The following NCALD variants were observed in gnomAD, a reference collection of about 807,000 sequenced individuals.
NCALD encodes neurocalcin delta.
A neutral mutation model predicts 18.6 loss-of-function variants in NCALD; 10 were observed. The observed-to-expected ratio is 0.54, with a 90% CI of 0.33 to 0.91. The LOEUF (loss-of-function observed/expected upper bound fraction) is 0.91. Among genes scored for constraint, NCALD ranks in the 40% least tolerant of loss-of-function variants. The pLI is 0.03. For synonymous variants in NCALD, 88 were observed against 87.4 expected (o/e 1.01, Z -0.04); for missense variants, 184 against 247.6 (o/e 0.74, Z 1.72).
At chr8:101,717,589 C>A (rs181529415) in intron 2 of NCALD, among the ~76,000 whole-genome samples, 1 of 152,272 alleles carries the variant, frequency 6.6e-6, no homozygotes, top group East Asian at 1.9e-4. Flanking sequence ...CAACTCATCA[C>A]TTTCTAAGAG....
At chr8:101,763,947 C>T (rs1379908789) in intron 1 of NCALD, among the ~76,000 whole-genome samples, 1 of 134,304 alleles carries the variant, frequency 7.4e-6, no homozygotes, top group African/African-American at 3.2e-5. Flanking sequence ...TTCTTTATGA[C>T]AAATTTCTCT....
intron 1 of NCALD, among the ~76,000 whole-genome samples, chr8:101,720,356 A>C (rs1044832659): frequency 2.6e-5 from 4 of 152,234 alleles, no homozygotes; most frequent in Non-Finnish European, 5.9e-5. Flanking sequence ...TCTTTAAAAT[A>C]CAAATAACTT....
chr8:101,709,386 C>A (rs1406195369), intron 2 of NCALD, among the ~76,000 whole-genome samples: 1 of 152,172 alleles, frequency 6.6e-6, no homozygotes, highest in African/African-American at 2.4e-5. Flanking sequence ...GCTTCAGGTA[C>A]AGATGGTCTA....
intron 1 of NCALD, among the ~76,000 whole-genome samples, chr8:101,780,158 A>G (rs950547372): frequency 3.9e-5 from 6 of 152,192 alleles, no homozygotes; most frequent in African/African-American, 1.4e-4. Context: ...TTTAAAATGA[A>G]TATGAATAGA....
chr8:101,790,250 C>T (rs1038420102), intron 1 of NCALD, among the ~76,000 whole-genome samples: 1 of 152,186 alleles, frequency 6.6e-6, no homozygotes, highest in African/African-American at 2.4e-5. Context: ...GGTTCCACCC[C>T]AACTTCCTTG....
At chr8:101,692,046 G>A in intron 3 of NCALD, 1 of 975,444 alleles carries the variant, frequency 1.0e-6, no homozygotes, top group African/African-American at 1.8e-5. Flanking sequence ...AACAGCAAGT[G>A]ACTTTTTTAG....
At chr8:101,766,492 C>G (rs1811352945) in intron 1 of NCALD, among the ~76,000 whole-genome samples, 1 of 152,138 alleles carries the variant, frequency 6.6e-6, no homozygotes, top group Admixed American at 6.5e-5. Flanking sequence ...ACCTGAGCTT[C>G]TAAGTTGTGT....
At chr8:102,032,611 A>T (rs1269706) in intron 1 of NCALD, among the ~76,000 whole-genome samples, 123,558 of 139,318 alleles carry the variant, frequency 0.89, 54,964 homozygotes, top group South Asian at 0.95. Flanking sequence ...AGAACAGAAT[A>T]GAAAAACTGC....
rs189372181 is a variant in NCALD, at chr8:102,078,686, G to T, written c.-210+45551C>A. Among the ~76,000 whole-genome samples the T allele has an allele frequency of 5.9e-5, 9 of 152,258 alleles. No individual in the cohort carries two copies. In the East Asian group the frequency reaches 1.3e-3, roughly 23 times the overall value. On this transcript the variant is annotated intron_variant, in intron 1 of 6. Transcript: ENST00000311028. ...CTGGAATTGTCTTCCCCAGATCTTC[G>T]CATTGCAGGCTCTGCCCATGATTCA...
At chr8:101,986,971 C>T (rs1293360670) in intron 2 of NCALD, among the ~76,000 whole-genome samples, 1 of 152,152 alleles carries the variant, frequency 6.6e-6, no homozygotes, top group African/African-American at 2.4e-5. Flanking sequence ...TGGGGGTCCC[C>T]GGAATCACAC....
intron 3 of NCALD, among the ~76,000 whole-genome samples, chr8:101,896,028 T>C (rs1358801998): frequency 1.3e-5 from 2 of 151,058 alleles, no homozygotes; most frequent in African/African-American, 2.5e-5. Context: ...AAAGTTCATA[T>C]GGAACCAAAA....
At chr8:101,692,278 C>T (rs13281022) in intron 3 of NCALD, 600,880 of 985,130 alleles carry the variant, frequency 0.61, 189,004 homozygotes, top group Non-Finnish European at 0.65. Flanking sequence ...ACCACTACCC[C>T]GGGCACCCCA....
At chr8:101,981,350 A>T (rs1820613164) in intron 2 of NCALD, among the ~76,000 whole-genome samples, 1 of 152,192 alleles carries the variant, frequency 6.6e-6, no homozygotes, top group Non-Finnish European at 1.5e-5. Flanking sequence ...TTTTAGTTTT[A>T]TTGAGTTAAA....
At chr8:101,988,641 G>A (rs1820919686) in intron 2 of NCALD, among the ~76,000 whole-genome samples, 1 of 152,010 alleles carries the variant, frequency 6.6e-6, no homozygotes, top group South Asian at 2.1e-4. Context: ...TCTGTGGTAG[G>A]GACAAAATTA....
chr8:101,997,719 C>G (rs372001178), intron 2 of NCALD, among the ~76,000 whole-genome samples: 1 of 152,148 alleles, frequency 6.6e-6, no homozygotes, highest in African/African-American at 2.4e-5. Context: ...CTCTGAGCCT[C>G]GCAGCAGAAG....
intron 4 of NCALD, among the ~76,000 whole-genome samples, chr8:101,882,027 G>A (rs1048977264): frequency 1.3e-5 from 2 of 152,132 alleles, no homozygotes; most frequent in African/African-American, 4.8e-5. Flanking sequence ...ATTTGGCAAT[G>A]TCTTCAGATG....
chr8:102,076,655 C>T, intron 1 of NCALD, among the ~76,000 whole-genome samples: 1 of 152,184 alleles, frequency 6.6e-6, no homozygotes, highest in South Asian at 2.1e-4. Context: ...TACTTGTATT[C>T]ACCTAAGAGG....
intron 1 of NCALD, among the ~76,000 whole-genome samples, chr8:101,735,234 TA>T (rs1271609354): frequency 6.6e-6 from 1 of 152,174 alleles, no homozygotes; most frequent in Non-Finnish European, 1.5e-5. Flanking sequence ...GCCGATCTAT[TA>T]AACTGACAAG....
intron 2 of NCALD, among the ~76,000 whole-genome samples, chr8:101,972,008 T>G (rs143191891): frequency 6.6e-5 from 10 of 152,278 alleles, no homozygotes; most frequent in African/African-American, 2.4e-4. Context: ...TGGAAGAGAA[T>G]TGGACCTGAA....
Sources: gnomAD v4.1 joint callset for allele counts (sites outside exome capture counted in the v4.1 genomes callset) on GRCh38, gnomAD v4.1.1 for gene constraint, MANE v1.5 for transcripts, NCBI Gene and HGNC (gene_info 2026-07-23, HGNC 2026-07-21) for gene names.